Variants in IFT122 observed in about 807,000 individuals in gnomAD.
The protein encoded by IFT122 is intraflagellar transport 122.
Under a neutral mutation model 161.6 loss-of-function variants are expected in IFT122, and 118 were observed. The ratio of observed to expected loss-of-function variants is 0.73; its 90% CI spans 0.63 to 0.85. The LOEUF (loss-of-function observed/expected upper bound fraction) is 0.85. Among genes scored for constraint, IFT122 ranks in the 40% least tolerant of loss-of-function variants. The pLI is 0.00. For synonymous variants in IFT122, 550 were observed against 602.4 expected, an observed-to-expected ratio of 0.91 and a Z score of 1.27; for missense variants, 1,381 against 1,579.6, an observed-to-expected ratio of 0.87 and a Z score of 2.13.
Position 129,463,373 on chromosome 3 carries a change from T to A in IFT122, c.350-187T>A, listed in dbSNP as rs981696084. 26 of 570,460 alleles carry A rather than the reference T, an allele frequency of 4.6e-5. No homozygotes were observed. In the South Asian group the frequency reaches 5.1e-4, roughly 11 times the overall value. 35.3% of individuals were successfully genotyped at this position (570,460 alleles called of 1,614,324 possible). A position where few individuals can be genotyped will look rare whatever the true frequency, so the allele number is the denominator to read the frequency against. On this transcript the variant is annotated intron_variant, in intron 5 of 29. Coordinates refer to ENST00000348417, the MANE Select transcript of IFT122 (RefSeq NM_052989.3). ...AAATCTGTTCTCCATTTCTATAATT[T>A]TGTCATTCAAGAATGTTATATAAAT...
chr3:129,500,160 A>G (rs1345724481), intron 19 of IFT122, 92 bp downstream of exon 19: 22 of 1,437,480 alleles, frequency 1.5e-5, no homozygotes, highest in Non-Finnish European at 2.1e-5. Context: ...TGCTTTTCTA[A>G]TTATCTAAAG....
Position 129,519,682 on chromosome 3 carries a change from C to A in IFT122, c.3586C>A (p.Arg1196Ser), listed in dbSNP as rs201590142. Residue 1196 changes from arginine to serine, a missense_variant, in exon 29 of 30, where the codon CGC becomes AGC. Arg to Ser is a moderately radical substitution (Grantham distance 110, BLOSUM62 -1). Transcript: ENST00000348417. ...CCCACCCCTGAGGTGGCAATACTTC[C>A]GCTCACTGCTGCCTGACGCCTCCAT... is the stretch of plus-strand genomic sequence containing the variant. The part of the protein sequence containing the change: ...WPPPLRWQYF[R>S]SLLPDASITM... The A allele has an allele frequency of 1.2e-6, 2 of 1,613,672 alleles. No individual in the cohort carries two copies. The highest frequency in any genetic ancestry group is 1.3e-5 in the African/African-American group (1 of 74,908).
intron 14 of IFT122, 67 bp downstream of exon 14, chr3:129,481,761 C>A: frequency 6.4e-7 from 1 of 1,550,980 alleles, no homozygotes. Context: ...GCTTCCCAGT[C>A]CCTGCAGGAG....
intron 9 of IFT122, among the ~76,000 whole-genome samples, chr3:129,471,298 G>A (rs984487506): frequency 2.0e-5 from 3 of 152,188 alleles, no homozygotes; most frequent in Admixed American, 2.0e-4. Context: ...AAAAGATAAA[G>A]GGAGCAGATA....
rs773053690 is a variant in IFT122 at position 129,463,643 on chromosome 3, C to A, written c.416+17C>A. 1.3e-6 allele frequency: 2 copies of A among 1,596,078 alleles called. No individual in the cohort carries two copies. Among genetic ancestry groups the A allele is most frequent in the Non-Finnish European group, 1.7e-6 (2 of 1,164,012 alleles). On this transcript the variant is annotated intron_variant, in intron 6 of 29. Coordinates refer to ENST00000348417, the MANE Select transcript of IFT122 (RefSeq NM_052989.3). ...CTGCTGCAGGTAAGTGCAGCTCTGA[C>A]GATAAGATTTATGTTCCTTCATCTT...
chr3:129,520,387 G>C lies in IFT122; in HGVS notation c.*122G>C. ...GCCCAGATGAAGTTTGTGTTTTGTG[G>C]GGGGGGCCTTGTGTAACCACGGAAT... On this transcript the variant is annotated 3_prime_UTR_variant, in exon 30 of 30. Coordinates refer to ENST00000348417, the MANE Select transcript of IFT122 (RefSeq NM_052989.3). 2 of 817,972 alleles carry C rather than the reference G, an allele frequency of 2.4e-6. No homozygotes were observed. Among genetic ancestry groups the C allele is most frequent in the Non-Finnish European group, 4.1e-6 (2 of 491,092 alleles). The allele number at this position is 817,972 out of a possible 1,614,324, so 50.7% of individuals were successfully genotyped here. A position where few individuals can be genotyped will look rare whatever the true frequency, so the allele number is the denominator to read the frequency against.
chr3:129,459,888 G>A (rs115709424), intron 4 of IFT122, among the ~76,000 whole-genome samples: 2,085 of 151,700 alleles, frequency 0.014, 39 homozygotes, highest in African/African-American at 0.045. Flanking sequence ...CAAATAGCTG[G>A]AACTGCAGGT....
In IFT122 at chr3:129,481,528, A is replaced by G; in HGVS notation, c.1489-2A>G. 1 of 1,549,844 alleles carries G rather than the reference A, an allele frequency of 6.5e-7. No homozygotes were observed. Among genetic ancestry groups the G allele is most frequent in the Non-Finnish European group, 8.9e-7 (1 of 1,122,556 alleles). ...ACACTGTTTTCGCTGAAATTTTGCC[A>G]GATCCTGAAGATCTTCGTGGACAAT... On this transcript the variant is annotated splice_acceptor_variant, in intron 13 of 29. Transcript: ENST00000348417. LOFTEE classifies it high-confidence loss of function.
chr3:129,485,584 C>A (rs963084427), intron 15 of IFT122, among the ~76,000 whole-genome samples: 1 of 152,236 alleles, frequency 6.6e-6, no homozygotes, highest in South Asian at 2.1e-4. Context: ...AACCCACGCA[C>A]CACATCCACC....
chr3:129,495,404 C>G, intron 17 of IFT122, 42 bp from the exon 18 acceptor site: 6 of 1,611,810 alleles, frequency 3.7e-6, no homozygotes, highest in Non-Finnish European at 5.1e-6. Flanking sequence ...GCTTCCTGCC[C>G]ATGGCTGCAG....
intron 4 of IFT122, among the ~76,000 whole-genome samples, chr3:129,459,679 TCCC>T (rs1257629083): frequency 1.6e-5 from 1 of 63,052 alleles, no homozygotes; most frequent in South Asian, 1.0e-3. Context: ...CCTCCCTCCC[TCCC>T]TTCTTCCTTC....
chr3:129,476,940 G>GTTTTTTTTTTT, intron 11 of IFT122, 139 bp downstream of exon 11: 2 of 715,794 alleles, frequency 2.8e-6, no homozygotes, highest in Non-Finnish European at 4.3e-6. Context: ...TCTGTGTCTT[G>GTTTTTTTTTTT]TTTTCTTTTT....
chr3:129,517,270 A>ACGCGCGCGCG (rs1476276379), intron 26 of IFT122, among the ~76,000 whole-genome samples, 199 bp from the exon 27 acceptor site: 3 of 109,714 alleles, frequency 2.7e-5, no homozygotes, highest in African/African-American at 1.2e-4. Context: ...TTGCTCCTGC[A>ACGCGCGCGCG]CACACACACA....
chr3:129,480,508 A>G (rs115212090), intron 13 of IFT122, among the ~76,000 whole-genome samples: 49 of 152,348 alleles, frequency 3.2e-4, no homozygotes, highest in Non-Finnish European at 6.3e-4. Flanking sequence ...TGAAAGTGAC[A>G]ATGTAGCTGC....
chr3:129,455,439 G>A (rs1172138580), intron 3 of IFT122, among the ~76,000 whole-genome samples: 1 of 152,066 alleles, frequency 6.6e-6, no homozygotes, highest in Non-Finnish European at 1.5e-5. Flanking sequence ...CCAAAGTGCT[G>A]GGATTACAGG....
At chr3:129,491,849 A>G (rs1044494205) in intron 16 of IFT122, among the ~76,000 whole-genome samples, 4 of 152,192 alleles carry the variant, frequency 2.6e-5, no homozygotes, top group Non-Finnish European at 4.4e-5. Context: ...AGAGTCTCCC[A>G]AGGAGGCACC....
chr3:129,458,708 T>C (rs2075819822), intron 4 of IFT122, 31 bp downstream of exon 4: 6 of 1,475,042 alleles, frequency 4.1e-6, no homozygotes. Flanking sequence ...GTATTATGAG[T>C]TTGATGCTTA....
intron 13 of IFT122, 49 bp downstream of exon 13, chr3:129,479,971 C>A (rs183055588): frequency 1.9e-6 from 3 of 1,609,538 alleles, no homozygotes; most frequent in Non-Finnish European, 2.5e-6. Context: ...TGCATGCACA[C>A]GTGGGTGACC....
At chr3:129,487,327 G>A (rs528671501) in intron 15 of IFT122, among the ~76,000 whole-genome samples, 2 of 152,326 alleles carry the variant, frequency 1.3e-5, no homozygotes, top group African/African-American at 4.8e-5. Flanking sequence ...GCAGGAAGGG[G>A]CACAGAACCT....
Sources: allele counts gnomAD v4.1 joint callset (sites outside exome capture counted in the v4.1 genomes callset), GRCh38; gene constraint gnomAD v4.1.1; transcripts MANE v1.5; gene names NCBI Gene and HGNC (gene_info 2026-07-23, HGNC 2026-07-21).